The following PLCL1 variants were observed in gnomAD, a reference collection of about 807,000 sequenced individuals.
PLCL1 encodes the protein inactive phospholipase C-like protein 1.
PLCL1 carries 41 observed loss-of-function variants against 84.4 expected under a neutral mutation model. The observed-to-expected ratio is 0.49, with a 90% CI of 0.38 to 0.63. PLCL1 has a LOEUF of 0.63. Among genes scored for constraint, PLCL1 ranks in the 30% least tolerant of loss-of-function variants. The pLI, the probability that PLCL1 is intolerant of heterozygous loss-of-function variation, is 0.00. For missense variants in PLCL1, 1,206 were observed against 1,367.8 expected (o/e 0.88, Z 1.87); for synonymous variants, 490 against 488.3 (o/e 1.00, Z -0.05).
chr2:197,897,118 T>C (rs907917522), intron 1 of PLCL1, among the ~76,000 whole-genome samples: 29 of 36,168 alleles, frequency 8.0e-4, no homozygotes, highest in African/African-American at 4.8e-3. Flanking sequence ...CTTCTTCTTC[T>C]TCTTCTTCTT....
intron 1 of PLCL1, among the ~76,000 whole-genome samples, chr2:198,030,431 T>G (rs1420459721): frequency 6.6e-6 from 1 of 152,042 alleles, no homozygotes; most frequent in East Asian, 1.9e-4. Context: ...TAAATAAAAG[T>G]TTTTCCACAG....
chr2:198,120,741 C>T (rs1693848300), intron 5 of PLCL1, among the ~76,000 whole-genome samples: 2 of 151,998 alleles, frequency 1.3e-5, no homozygotes, highest in Admixed American at 6.6e-5. Flanking sequence ...AGGTTGCTTC[C>T]AAATCTTGGC....
chr2:197,827,172 A>G (rs149828885), intron 1 of PLCL1, among the ~76,000 whole-genome samples: 2 of 152,238 alleles, frequency 1.3e-5, no homozygotes, highest in African/African-American at 4.8e-5. Flanking sequence ...GGCAAATCCA[A>G]CTGCATCATT....
At chr2:198,002,647 T>C (rs1216156141) in intron 1 of PLCL1, among the ~76,000 whole-genome samples, 1 of 152,206 alleles carries the variant, frequency 6.6e-6, no homozygotes, top group Non-Finnish European at 1.5e-5. Flanking sequence ...ATTGTAAAGA[T>C]TCTTATGCAT....
chr2:197,921,685 C>T (rs897508451), intron 1 of PLCL1, among the ~76,000 whole-genome samples: 1 of 152,196 alleles, frequency 6.6e-6, no homozygotes, highest in African/African-American at 2.4e-5. Flanking sequence ...CACCTCTGTA[C>T]CTTTGATCAC....
chr2:197,900,850 G>C (rs1688249306), intron 1 of PLCL1, among the ~76,000 whole-genome samples: 3 of 152,200 alleles, frequency 2.0e-5, no homozygotes, highest in Admixed American at 6.5e-5. Context: ...AGATGCAAGA[G>C]TAAGTTGTTT....
intron 5 of PLCL1, among the ~76,000 whole-genome samples, chr2:198,137,078 T>C (rs1417146034): frequency 2.6e-5 from 4 of 152,154 alleles, no homozygotes. Context: ...TCTTTTCTAT[T>C]TGATCAAATA....
intron 1 of PLCL1, among the ~76,000 whole-genome samples, chr2:197,854,247 A>T (rs75151966): frequency 0.015 from 2,257 of 152,268 alleles, 63 homozygotes; most frequent in African/African-American, 0.052. Flanking sequence ...GGAATTTAGG[A>T]GTGACCAGCA....
At chr2:198,058,919 T>G (rs1385678068) in intron 1 of PLCL1, among the ~76,000 whole-genome samples, 1 of 152,206 alleles carries the variant, frequency 6.6e-6, no homozygotes, top group East Asian at 1.9e-4. Context: ...ATGACTTTCA[T>G]TTTTGTCTTT....
chr2:198,039,350 G>A (rs1475922846), intron 1 of PLCL1, among the ~76,000 whole-genome samples: 1 of 152,112 alleles, frequency 6.6e-6, no homozygotes, highest in African/African-American at 2.4e-5. Flanking sequence ...AGACGTTTTA[G>A]GAGCCTTCTT....
rs190585323 is a variant in PLCL1, at chr2:198,067,862, T to A, written c.241-15896T>A. On this transcript the variant is annotated intron_variant, in intron 1 of 5. Transcript: ENST00000428675. Reference sequence around the variant, plus strand: ...TTACCCTCCTTATTTTGATTTTCATTTTTGAACACAAAGTGGTTTTACTTG... The same window carrying A: ...TTACCCTCCTTATTTTGATTTTCATATTTGAACACAAAGTGGTTTTACTTG... 7.2e-5 allele frequency among the ~76,000 whole-genome samples: 11 copies of A among 152,352 alleles called. No homozygotes were observed. In the East Asian group the frequency reaches 1.2e-3, roughly 16 times the overall value.
At position 197,847,950 on chromosome 2, in the gene PLCL1, G is replaced by A. The variant is rs1687153255; in HGVS notation, c.240+42611G>A. Among the ~76,000 whole-genome samples the A allele has an allele frequency of 2.0e-5, 3 of 152,256 alleles. No homozygotes were observed. The South Asian group carries it at 6.2e-4, about 32-fold the overall frequency. ...GTAGCTTGAGTCAGAGAGTGCAGCTGTGCAATTTAAGATGTGTTTTCCTAT... is the reference window on the plus strand; with the variant it reads ...GTAGCTTGAGTCAGAGAGTGCAGCTATGCAATTTAAGATGTGTTTTCCTAT... On this transcript the variant is annotated intron_variant, in intron 1 of 5. Coordinates refer to ENST00000428675, the MANE Select transcript of PLCL1 (RefSeq NM_006226.4).
chr2:198,057,454 ATT>A (rs570025550), intron 1 of PLCL1, among the ~76,000 whole-genome samples: 64 of 152,098 alleles, frequency 4.2e-4, no homozygotes, highest in Admixed American at 9.2e-4. Context: ...TAAGGCAGGT[ATT>A]GTCATGCCCA....
At chr2:197,890,169 A>G (rs1314435085) in intron 1 of PLCL1, among the ~76,000 whole-genome samples, 1 of 152,252 alleles carries the variant, frequency 6.6e-6, no homozygotes, top group Non-Finnish European at 1.5e-5. Flanking sequence ...AATTGACAAC[A>G]GATAGTTTCT....
chr2:198,088,220 G>A (rs573280729), intron 2 of PLCL1, among the ~76,000 whole-genome samples: 1 of 152,182 alleles, frequency 6.6e-6, no homozygotes, highest in African/African-American at 2.4e-5. Flanking sequence ...AGTCTTTGGG[G>A]TTAAGGATTA....
chr2:197,887,946 A>T (rs971962319), intron 1 of PLCL1, among the ~76,000 whole-genome samples: 4 of 152,030 alleles, frequency 2.6e-5, no homozygotes, highest in African/African-American at 9.7e-5. Flanking sequence ...TCTACCAAAA[A>T]TTAAGTGCGG....
chr2:197,931,840 A>G (rs1192852801), intron 1 of PLCL1, among the ~76,000 whole-genome samples: 1 of 152,202 alleles, frequency 6.6e-6, no homozygotes, highest in Non-Finnish European at 1.5e-5. Flanking sequence ...TACACAGGTC[A>G]GTTGAACATG....
intron 1 of PLCL1, among the ~76,000 whole-genome samples, chr2:197,975,613 G>A (rs556040490): frequency 2.6e-5 from 4 of 151,048 alleles, no homozygotes; most frequent in African/African-American, 7.3e-5. Context: ...AGACCAGTCT[G>A]TGCAACAGAG....
intron 1 of PLCL1, among the ~76,000 whole-genome samples, chr2:197,901,440 G>A (rs1688266231): frequency 6.6e-6 from 1 of 152,176 alleles, no homozygotes; most frequent in Non-Finnish European, 1.5e-5. Flanking sequence ...AAGGCAAGAG[G>A]CAGTAAGTGG....
Sources: allele counts gnomAD v4.1 joint callset (sites outside exome capture counted in the v4.1 genomes callset), GRCh38; gene constraint gnomAD v4.1.1; transcripts MANE v1.5; gene names NCBI Gene and HGNC (gene_info 2026-07-23, HGNC 2026-07-21).